CSMD1: variants seen among roughly 807,000 people sequenced by gnomAD.
CSMD1 encodes the protein CUB and Sushi multiple domains 1, also known as CUB and sushi domain-containing protein 1.
Under a neutral mutation model 417.5 loss-of-function variants are expected in CSMD1, and 213 were observed. That is an observed-to-expected ratio of 0.51 (90% CI 0.46 to 0.57). The LOEUF is 0.57. Ranked by LOEUF, CSMD1 falls within the 20% of genes least tolerant of loss-of-function variation. The pLI is 0.00. For synonymous variants in CSMD1, 2,862 were observed against 1,736.8 expected (o/e 1.65, Z -16.11); for missense variants, 6,923 against 4,529.7 (o/e 1.53, Z -15.17).
chr8:4,238,053 T>G (rs925948101), intron 3 of CSMD1, among the ~76,000 whole-genome samples: 2 of 152,142 alleles, frequency 1.3e-5, no homozygotes, highest in African/African-American at 4.8e-5. Flanking sequence ...TTAGTTTTTC[T>G]ACCCTAGGAG....
At chr8:4,643,492 T>C (rs150038763) in intron 1 of CSMD1, among the ~76,000 whole-genome samples, 91 of 152,252 alleles carry the variant, frequency 6.0e-4, no homozygotes, top group African/African-American at 2.1e-3. Flanking sequence ...GACGTAGCTA[T>C]CAAGCAACTC....
intron 1 of CSMD1, among the ~76,000 whole-genome samples, chr8:4,915,532 C>T (rs547144860): frequency 6.6e-6 from 1 of 152,246 alleles, no homozygotes; most frequent in Non-Finnish European, 1.5e-5. Flanking sequence ...CTGGCAGGAG[C>T]ACGGCTCTGA....
intron 3 of CSMD1, among the ~76,000 whole-genome samples, chr8:4,047,107 G>C (rs1313686338): frequency 5.9e-5 from 9 of 152,134 alleles, no homozygotes; most frequent in Admixed American, 5.9e-4. Flanking sequence ...TTGAAGCTGT[G>C]GCTTCAATGG....
At chr8:3,825,808 T>C (rs139277336) in intron 5 of CSMD1, among the ~76,000 whole-genome samples, 3 of 152,286 alleles carry the variant, frequency 2.0e-5, no homozygotes, top group Admixed American at 1.3e-4. Context: ...TGATATGGAA[T>C]TGAAAGGCTT....
intron 1 of CSMD1, among the ~76,000 whole-genome samples, chr8:4,889,097 G>T (rs139511675): frequency 6.6e-6 from 1 of 152,054 alleles, no homozygotes; most frequent in African/African-American, 2.4e-5. Flanking sequence ...GATGAGAAAC[G>T]GAATATGTGC....
At chr8:3,824,871 C>G (rs181224374) in intron 5 of CSMD1, among the ~76,000 whole-genome samples, 7 of 152,030 alleles carry the variant, frequency 4.6e-5, no homozygotes, top group South Asian at 2.1e-4. Flanking sequence ...AAACCTGACA[C>G]AGGCTTTAAT....
In CSMD1 at chr8:4,512,115, G is replaced by A. The variant is rs530891333; in HGVS notation, c.303-92050C>T. Among the ~76,000 whole-genome samples, 436 of 152,200 alleles carry A rather than the reference G, an allele frequency of 2.9e-3. 4 individuals carry two copies. Among genetic ancestry groups the A allele is most frequent in the African/African-American group, 9.9e-3 (411 of 41,522 alleles). On this transcript the variant is annotated intron_variant, in intron 2 of 69. Coordinates refer to ENST00000635120, the MANE Select transcript of CSMD1 (RefSeq NM_033225.6). ...CCATGTTTCACTGGGATTCATCTCA[G>A]GTATGCAAGGCTGGTTCAATACTGA...
In CSMD1 at chr8:3,396,371, C is replaced by G; in HGVS notation, c.2416G>C (p.Glu806Gln). 6.3e-7 allele frequency: 1 copy of G among 1,583,306 alleles called. No homozygotes were observed. Among genetic ancestry groups the G allele is most frequent in the Non-Finnish European group, 8.6e-7 (1 of 1,164,906 alleles). ...IKITFDRFQT[E>Q]VNYDTLEVRD... ...ACCTCCAAGGTGTCATAATTGACCTCTGTCTGAAATCTGCAAATATATACA... is the reference window on the plus strand; with the variant it reads ...ACCTCCAAGGTGTCATAATTGACCTGTGTCTGAAATCTGCAAATATATACA... The change falls in exon 17 of 70, where the codon GAG becomes CAG. Residue 806 changes from glutamate to glutamine, a missense_variant. By Grantham distance (29) the Glu-to-Gln change is conservative (BLOSUM62 2). Coordinates refer to ENST00000635120, the MANE Select transcript of CSMD1 (RefSeq NM_033225.6).
chr8:3,236,901 C>T (rs1585744487), intron 26 of CSMD1, among the ~76,000 whole-genome samples: 1 of 152,108 alleles, frequency 6.6e-6, no homozygotes, highest in South Asian at 2.1e-4. Flanking sequence ...CAGTTTCCCA[C>T]AGGCGTTCCC....
At chr8:3,938,897 A>C (rs970649528) in intron 5 of CSMD1, among the ~76,000 whole-genome samples, 3 of 152,172 alleles carry the variant, frequency 2.0e-5, no homozygotes, top group Non-Finnish European at 1.5e-5. Flanking sequence ...CTGTATATCT[A>C]TATGCTCAAT....
chr8:4,872,288 C>T lies in CSMD1; in HGVS notation c.85+122044G>A, dbSNP rs751110058. On this transcript the variant is annotated intron_variant, in intron 1 of 69. Coordinates refer to ENST00000635120, the MANE Select transcript of CSMD1 (RefSeq NM_033225.6). The stretch of plus-strand genomic sequence containing the variant: ...TGCAATACTGCCTGATATGGTTAGG[C>T]TTTGTGTCCCCACCCAAATCTCATC... Among the ~76,000 whole-genome samples the T allele has an allele frequency of 7.9e-5, 12 of 152,012 alleles. 1 individual carries two copies. The highest frequency in any genetic ancestry group is 4.1e-4 in the South Asian group (2 of 4,828).
chr8:4,272,328 T>G (rs985001653), intron 3 of CSMD1, among the ~76,000 whole-genome samples: 1 of 152,200 alleles, frequency 6.6e-6, no homozygotes, highest in Non-Finnish European at 1.5e-5. Context: ...CAAAACTACA[T>G]TGAACAAAAG....
intron 2 of CSMD1, among the ~76,000 whole-genome samples, chr8:4,621,391 G>C (rs1005728453): frequency 6.6e-6 from 1 of 152,164 alleles, no homozygotes; most frequent in Admixed American, 6.5e-5. Context: ...TTGGGATTTG[G>C]AATTTTATAA....
intron 1 of CSMD1, among the ~76,000 whole-genome samples, chr8:4,891,681 G>A (rs182378342): frequency 6.6e-6 from 1 of 151,934 alleles, no homozygotes; most frequent in South Asian, 2.1e-4. Flanking sequence ...TTTATCCTAA[G>A]GGCTTATATT....
chr8:4,758,488 C>T (rs117666508), intron 1 of CSMD1, among the ~76,000 whole-genome samples: 1,539 of 152,208 alleles, frequency 0.01, 9 homozygotes, highest in Non-Finnish European at 0.014. Context: ...AAAGAGATCC[C>T]TTTGGACTGT....
chr8:4,224,554 G>C (rs371876756), intron 3 of CSMD1, among the ~76,000 whole-genome samples: 1 of 152,140 alleles, frequency 6.6e-6, no homozygotes, highest in African/African-American at 2.4e-5. Context: ...CAAGGGAAGA[G>C]GAAGTCCCAC....
At chr8:4,291,005 G>T (rs1051166232) in intron 3 of CSMD1, among the ~76,000 whole-genome samples, 1 of 152,114 alleles carries the variant, frequency 6.6e-6, no homozygotes, top group African/African-American at 2.4e-5. Flanking sequence ...AAATGTATAT[G>T]TAATGATGTC....
intron 2 of CSMD1, among the ~76,000 whole-genome samples, chr8:4,584,047 T>A (rs2725032): frequency 6.6e-6 from 1 of 151,290 alleles, no homozygotes; most frequent in Non-Finnish European, 1.5e-5. Flanking sequence ...TAACACTCAC[T>A]ACGAAGGTCT....
At chr8:4,140,531 G>C (rs1803722772) in intron 3 of CSMD1, among the ~76,000 whole-genome samples, 1 of 150,914 alleles carries the variant, frequency 6.6e-6, no homozygotes, top group Non-Finnish European at 1.5e-5. Context: ...AGCTGAGTGT[G>C]GTGGTGTGCA....
Sources: allele counts gnomAD v4.1 joint callset (sites outside exome capture counted in the v4.1 genomes callset), GRCh38; gene constraint gnomAD v4.1.1; transcripts MANE v1.5; gene names NCBI Gene and HGNC (gene_info 2026-07-23, HGNC 2026-07-21).